LMBRD1: variants seen among roughly 807,000 people sequenced by gnomAD.
LMBRD1 encodes LMBR1 domain containing 1, also known as lysosomal cobalamin transport escort protein LMBD1.
In LMBRD1, 64 loss-of-function variants were observed where a neutral mutation model predicts 74.8. The observed-to-expected ratio is 0.86, with a 90% CI of 0.70 to 1.05. The LOEUF is 1.05. Among genes scored for constraint, LMBRD1 ranks in the 50% least tolerant of loss-of-function variants. The probability of loss-of-function intolerance (pLI) is 0.00; values close to 1 mark genes in which losing one functional copy is unlikely to be tolerated. For synonymous variants in LMBRD1, 204 were observed against 216.3 expected (o/e 0.94, Z 0.50); for missense variants, 652 against 645.9 (o/e 1.01, Z -0.10).
intron 14 of LMBRD1, among the ~76,000 whole-genome samples, chr6:69,690,905 G>C (rs1014825287): frequency 2.0e-5 from 3 of 152,110 alleles, no homozygotes; most frequent in African/African-American, 7.2e-5. Context: ...AGATTTGCTA[G>C]TTGCTAAATT....
chr6:69,737,946 T>C lies in LMBRD1; in HGVS notation c.632A>G (p.Tyr211Cys). 1 of 1,608,294 alleles carries C rather than the reference T, an allele frequency of 6.2e-7. No homozygotes were observed. ...AATTATCCCCATTTCACTTACTGTG[T>C]AAGTTATAGCTGCCAACATTCCAAT... Reference protein sequence around the residue: ...TLIGMLAAITYTAYGMSALPL... With the variant: ...TLIGMLAAITCTAYGMSALPL... The change falls in exon 7 of 16, where the codon TAC (tyrosine) becomes TGC (cysteine). Residue 211 changes from tyrosine to cysteine, a missense_variant. This residue lies in a region of LMBRD1 where 598 missense variants were observed against 581.8 expected (regional missense o/e 1.03). Transcript: ENST00000649934.
At chr6:69,678,101 G>C (rs1463830505) in intron 14 of LMBRD1, among the ~76,000 whole-genome samples, 1 of 152,038 alleles carries the variant, frequency 6.6e-6, no homozygotes, top group African/African-American at 2.4e-5. Context: ...AAATAGCCTG[G>C]TGTTTTCTGG....
intron 9 of LMBRD1, among the ~76,000 whole-genome samples, chr6:69,706,666 C>T (rs1357192906): frequency 1.3e-5 from 2 of 151,958 alleles, no homozygotes; most frequent in Non-Finnish European, 2.9e-5. Context: ...AATGTTTTAC[C>T]CTGAGAATGC....
chr6:69,770,181 A>G (rs1218651878), intron 3 of LMBRD1, among the ~76,000 whole-genome samples: 2 of 152,164 alleles, frequency 1.3e-5, no homozygotes, highest in Non-Finnish European at 2.9e-5. Flanking sequence ...TGTCACTTCC[A>G]TAAACAATAG....
rs763405988 is a variant in LMBRD1 at position 69,752,256 on chromosome 6, T to C, written c.405+3A>G. On this transcript the variant is annotated splice_donor_region_variant and intron_variant, in intron 4 of 15. Transcript: ENST00000649934. The stretch of plus-strand genomic sequence containing the variant: ...CTAAGGCCTCTAAAATAAAGATACT[T>C]ACAGTACATTTACTAGTATCATCAT... The C allele has an allele frequency of 8.7e-6, 14 of 1,606,950 alleles. No homozygotes were observed. In the East Asian group the frequency reaches 2.9e-4, roughly 33 times the overall value.
chr6:69,729,205 C>T (rs59256218), intron 7 of LMBRD1, among the ~76,000 whole-genome samples: 13,525 of 144,458 alleles, frequency 0.094, 1,755 homozygotes, highest in African/African-American at 0.3. Context: ...GTAGTGCCCT[C>T]ATCTAGAATG....
At position 69,732,023 on chromosome 6, in the gene LMBRD1, A is replaced by T. The variant is rs550634189; in HGVS notation, c.636+5919T>A. Among the ~76,000 whole-genome samples, 4 of 152,298 alleles carry T rather than the reference A, an allele frequency of 2.6e-5. No individual in the cohort carries two copies. The South Asian group carries it at 8.3e-4, about 32-fold the overall frequency. ...AAAAACTTGTCAGATTTTTCCTTAT[A>T]GTGACACATAAAGTAACGGTGCACC... On this transcript the variant is annotated intron_variant, in intron 7 of 15. Coordinates refer to ENST00000649934, the MANE Select transcript of LMBRD1 (RefSeq NM_018368.4).
intron 5 of LMBRD1, among the ~76,000 whole-genome samples, chr6:69,744,356 A>G (rs914609094): frequency 6.6e-6 from 1 of 152,238 alleles, no homozygotes; most frequent in Admixed American, 6.5e-5. Context: ...CAAGGTCATC[A>G]TCAAGGTCTG....
At chr6:69,732,310 A>T (rs1011171480) in intron 7 of LMBRD1, among the ~76,000 whole-genome samples, 1 of 152,166 alleles carries the variant, frequency 6.6e-6, no homozygotes, top group Admixed American at 6.6e-5. Context: ...TAATGCCCTT[A>T]TAAGAAGGGT....
At chr6:69,688,112 A>G (rs895670393) in intron 14 of LMBRD1, among the ~76,000 whole-genome samples, 2 of 152,232 alleles carry the variant, frequency 1.3e-5, no homozygotes, top group South Asian at 2.1e-4. Flanking sequence ...TAACGAAGAT[A>G]TTAGGAGACT....
chr6:69,723,451 T>C (rs1488236245), intron 7 of LMBRD1, among the ~76,000 whole-genome samples: 3 of 152,044 alleles, frequency 2.0e-5, no homozygotes, highest in Admixed American at 6.6e-5. Flanking sequence ...TTCACAAAAA[T>C]TGAAATAATA....
intron 4 of LMBRD1, among the ~76,000 whole-genome samples, chr6:69,750,837 C>A (rs1435017840): frequency 6.6e-6 from 1 of 152,044 alleles, no homozygotes; most frequent in African/African-American, 2.4e-5. Flanking sequence ...AAATACCTAA[C>A]TTTTTTTCTA....
intron 8 of LMBRD1, among the ~76,000 whole-genome samples, chr6:69,714,549 G>T (rs1283195192): frequency 6.6e-6 from 1 of 152,048 alleles, no homozygotes; most frequent in Non-Finnish European, 1.5e-5. Flanking sequence ...ATATAAAATT[G>T]TTTTTATCAG....
chr6:69,698,481 A>G (rs1766054233), intron 13 of LMBRD1, among the ~76,000 whole-genome samples: 5 of 152,022 alleles, frequency 3.3e-5, no homozygotes, highest in Admixed American at 3.3e-4. Flanking sequence ...AGTTTGAATC[A>G]GATATGGTCA....
At chr6:69,742,329 G>A (rs551991260) in intron 5 of LMBRD1, among the ~76,000 whole-genome samples, 81 of 152,156 alleles carry the variant, frequency 5.3e-4, no homozygotes, top group African/African-American at 1.7e-3. Flanking sequence ...CTGTGGAATC[G>A]GGAGTGATTA....
intron 4 of LMBRD1, 74 bp downstream of exon 4, chr6:69,752,185 C>T (rs1161232585): frequency 6.8e-7 from 1 of 1,464,496 alleles, no homozygotes; most frequent in Non-Finnish European, 9.3e-7. Flanking sequence ...AAAATTCAGT[C>T]ATTCATTCTC....
chr6:69,725,796 T>A (rs1373099585), intron 7 of LMBRD1, among the ~76,000 whole-genome samples: 2 of 152,166 alleles, frequency 1.3e-5, no homozygotes, highest in African/African-American at 4.8e-5. Flanking sequence ...CAAGAAAACA[T>A]TGGAGAAATT....
intron 8 of LMBRD1, among the ~76,000 whole-genome samples, chr6:69,717,547 G>C (rs1766519127): frequency 6.6e-6 from 1 of 152,096 alleles, no homozygotes; most frequent in African/African-American, 2.4e-5. Flanking sequence ...CATCTACTAA[G>C]ATGTTTATAT....
intron 9 of LMBRD1, among the ~76,000 whole-genome samples, chr6:69,704,331 C>T (rs1204934794): frequency 6.6e-6 from 1 of 151,996 alleles, no homozygotes; most frequent in Non-Finnish European, 1.5e-5. Flanking sequence ...TTTCTAATTG[C>T]TTCTATATTT....
Sources: gnomAD v4.1 joint callset for allele counts (sites outside exome capture counted in the v4.1 genomes callset) on GRCh38, gnomAD v4.1.1 for gene constraint, gnomAD v4.1.1 regional missense constraint, MANE v1.5 for transcripts, NCBI Gene and HGNC (gene_info 2026-07-23, HGNC 2026-07-21) for gene names.